The following KCNJ2 variants were observed in gnomAD, a reference collection of about 807,000 sequenced individuals.
The protein encoded by KCNJ2 is potassium inwardly rectifying channel subfamily J member 2.
A neutral mutation model predicts 28.4 loss-of-function variants in KCNJ2; 12 were observed. The observed-to-expected ratio is 0.42, with a 90% CI of 0.27 to 0.68. The LOEUF (loss-of-function observed/expected upper bound fraction) is 0.68. Among genes scored for constraint, KCNJ2 ranks in the 30% least tolerant of loss-of-function variants. The pLI is 0.23. For synonymous variants in KCNJ2, 200 were observed against 203.2 expected (o/e 0.98, Z 0.13); for missense variants, 320 against 551.3 (o/e 0.58, Z 4.20).
intron 1 of KCNJ2, among the ~76,000 whole-genome samples, chr17:70,172,044 G>A (rs1174523066): frequency 6.6e-6 from 1 of 151,860 alleles, no homozygotes; most frequent in African/African-American, 2.4e-5. Context: ...AGCTGCTCAC[G>A]AATTGGTAAT....
At position 70,179,190 on chromosome 17, in the gene KCNJ2, A is replaced by C; in HGVS notation, c.*2867A>C. 1 of 159,230 alleles carries C rather than the reference A, an allele frequency of 6.3e-6. No homozygotes were observed. The allele number at this position is 159,230 out of a possible 1,614,324, so 9.9% of individuals were successfully genotyped here. A position where few individuals can be genotyped will look rare whatever the true frequency, so the allele number is the denominator to read the frequency against. On this transcript the variant is annotated 3_prime_UTR_variant, in exon 2 of 2. Coordinates refer to ENST00000243457, the MANE Select transcript of KCNJ2 (RefSeq NM_000891.3). ...CTTATTGACTGGGTCTCCTTAATTA[A>C]TGTACACATGTCATTAGAATGCAGA...
At position 70,178,140 on chromosome 17, in the gene KCNJ2, A is replaced by C. The variant is rs2074406564; in HGVS notation, c.*1817A>C. ...CTCTCTTATGGTATTATATCTCTGTATGCCATTAAAAAACAGCTTGTTCTA... is the reference window on the plus strand; with the variant it reads ...CTCTCTTATGGTATTATATCTCTGTCTGCCATTAAAAAACAGCTTGTTCTA... On this transcript the variant is annotated 3_prime_UTR_variant, in exon 2 of 2. Transcript: ENST00000243457. The C allele has an allele frequency of 1.2e-5, 2 of 164,088 alleles. No individual in the cohort carries two copies. Among genetic ancestry groups the C allele is most frequent in the Non-Finnish European group, 3.0e-5 (2 of 67,756 alleles). The allele number at this position is 164,088 out of a possible 1,614,324, so 10.2% of individuals were successfully genotyped here. A position where few individuals can be genotyped will look rare whatever the true frequency, so the allele number is the denominator to read the frequency against.
chr17:70,172,983 T>A lies in KCNJ2; in HGVS notation c.-216-1841T>A, dbSNP rs183636880. On this transcript the variant is annotated intron_variant, in intron 1 of 1. Transcript: ENST00000243457. ...CTTCACAGGGAAGCAGACAAAACAT[T>A]GAAGCAGGTGGAAGGTTAGGAAAGC... Among the ~76,000 whole-genome samples, 46 of 152,286 alleles carry A rather than the reference T, an allele frequency of 3.0e-4. 1 individual carries two copies. Among genetic ancestry groups the A allele is most frequent in the African/African-American group, 1.0e-3 (42 of 41,562 alleles).
At position 70,175,741 on chromosome 17, in the gene KCNJ2, C is replaced by T; in HGVS notation, c.702C>T (p.Ser234=). The change falls in exon 2 of 2, where the codon TCC becomes TCT. Residue 234 remains serine (S), a synonymous_variant. Coordinates refer to ENST00000243457, the MANE Select transcript of KCNJ2 (RefSeq NM_000891.3). This position sits in a 1 kb window ranked among gnomAD's most constrained non-coding sequence, Gnocchi z 8.3. ...EAHVRAQLLK[S]RITSEGEYIP... ...ATGTTCGAGCACAGCTCCTCAAATC[C>T]AGAATTACTTCTGAAGGGGAGTATA... 6.2e-7 allele frequency: 1 copy of T among 1,614,218 alleles called. No individual in the cohort carries two copies. Among genetic ancestry groups the T allele is most frequent in the Non-Finnish European group, 8.5e-7 (1 of 1,180,032 alleles).
rs199473373 is a variant in KCNJ2, at chr17:70,175,283, C to T, written c.244C>T (p.Arg82Trp). Reference sequence around the variant, plus strand: ...CACCACGTGTGTGGACATTCGCTGGCGGTGGATGCTGGTTATCTTCTGCCT... The same window carrying T: ...CACCACGTGTGTGGACATTCGCTGGTGGTGGATGCTGGTTATCTTCTGCCT... ...IFTTCVDIRWRWMLVIFCLAF... is the reference protein window; with the variant it reads ...IFTTCVDIRWWWMLVIFCLAF... Residue 82 changes from arginine (R) to tryptophan (W), a missense_variant, in exon 2 of 2, where the codon CGG becomes TGG. By Grantham distance (101) the Arg-to-Trp change is moderately radical. This residue lies in a region of KCNJ2 where 111 missense variants were observed against 256.7 expected (regional missense o/e 0.43). Coordinates refer to ENST00000243457, the MANE Select transcript of KCNJ2 (RefSeq NM_000891.3). This position sits in a 1 kb window ranked among gnomAD's most constrained non-coding sequence, Gnocchi z 8.3. 3 of 1,614,182 alleles carry T rather than the reference C, an allele frequency of 1.9e-6. No individual in the cohort carries two copies. Among genetic ancestry groups the T allele is most frequent in the Admixed American group, 1.7e-5 (1 of 60,020 alleles).
rs35656864 is a variant in KCNJ2 at position 70,179,064 on chromosome 17, ATTTTTTTTTTTTTT to A, written c.*2762_*2775del. On this transcript the variant is annotated 3_prime_UTR_variant, in exon 2 of 2. Transcript: ENST00000243457. ...TAACAGTTACAAGCTTTAAATGGCAATTTTTTTTTTTTTTTTTTTTTTTTTTTTTTTTTTGTCAA... is the reference window on the plus strand; with the variant it reads ...TAACAGTTACAAGCTTTAAATGGCAATTTTTTTTTTTTTTTTTTTTGTCAA... 63 of 67,284 alleles carry A rather than the reference ATTTTTTTTTTTTTT, an allele frequency of 9.4e-4. No homozygotes were observed. The South Asian group carries it at 0.01, about 11-fold the overall frequency. The allele number at this position is 67,284 out of a possible 1,614,324, so 4.2% of individuals were successfully genotyped here. A position where few individuals can be genotyped will look rare whatever the true frequency, so the allele number is the denominator to read the frequency against.
rs1443012108 is a variant in KCNJ2, at chr17:70,176,198, G to A, written c.1159G>A (p.Glu387Lys). The A allele has an allele frequency of 2.5e-6, 4 of 1,613,952 alleles. No individual in the cohort carries two copies. In the African/African-American group the frequency reaches 4.0e-5, roughly 16 times the overall value. ...TGAAGTTGCCCTCACAAGCAAAGAG[G>A]AAGACGACAGTGAAAATGGAGTTCC... is the stretch of plus-strand genomic sequence containing the variant. ...ENEVALTSKE[E>K]DDSENGVPES... Residue 387 changes from glutamate (E) to lysine (K), a missense_variant, in exon 2 of 2, where the codon GAA becomes AAA. By Grantham distance (56) the Glu-to-Lys change is moderately conservative (BLOSUM62 1). Around this residue, in one of 3 missense-constraint regions of KCNJ2, gnomAD observed 155 missense variants for 231.6 expected, o/e 0.67. Transcript: ENST00000243457.
At chr17:70,171,267 C>T (rs979310135) in intron 1 of KCNJ2, among the ~76,000 whole-genome samples, 4 of 143,358 alleles carry the variant, frequency 2.8e-5, no homozygotes, top group Non-Finnish European at 6.1e-5. Context: ...CTCCCCACTT[C>T]CCCCTCCTCC....
At position 70,174,804 on chromosome 17, in the gene KCNJ2, C is replaced by G. The variant is rs1221421312; in HGVS notation, c.-216-20C>G. The G allele has an allele frequency of 1.7e-6, 1 of 584,702 alleles. No individual in the cohort carries two copies. Among genetic ancestry groups the G allele is most frequent in the African/African-American group, 1.9e-5 (1 of 53,564 alleles). The allele number at this position is 584,702 out of a possible 1,614,324, so 36.2% of individuals were successfully genotyped here. A position where few individuals can be genotyped will look rare whatever the true frequency, so the allele number is the denominator to read the frequency against. On this transcript the variant is annotated intron_variant, in intron 1 of 1. Coordinates refer to ENST00000243457, the MANE Select transcript of KCNJ2 (RefSeq NM_000891.3). ...TAAGAGTGGCTTATTTTGTAATGCA[C>G]AGTCTCTCTTTTCTTGCAGGACATG...
intron 1 of KCNJ2, among the ~76,000 whole-genome samples, chr17:70,170,274 C>T (rs1334415627): frequency 1.3e-5 from 2 of 151,804 alleles, no homozygotes; most frequent in African/African-American, 4.8e-5. Context: ...TGGATTTGAG[C>T]CTGAGGATCG....
At chr17:70,169,898 G>A (rs2074355580) in intron 1 of KCNJ2, among the ~76,000 whole-genome samples, 197 bp downstream of exon 1, 1 of 152,124 alleles carries the variant, frequency 6.6e-6, no homozygotes, top group Non-Finnish European at 1.5e-5. Flanking sequence ...AACATCCCCA[G>A]AGCTAAAAAT....
At position 70,177,392 on chromosome 17, in the gene KCNJ2, C is replaced by T. The variant is rs45603434; in HGVS notation, c.*1069C>T. On this transcript the variant is annotated 3_prime_UTR_variant, in exon 2 of 2. Coordinates refer to ENST00000243457, the MANE Select transcript of KCNJ2 (RefSeq NM_000891.3). ...ACTCTTATATTTTTCTGGGCTTTTC[C>T]TTTTGCACATTCCAAAATTCATTTC... is the stretch of plus-strand genomic sequence containing the variant. The T allele has an allele frequency of 0.094, 15,671 of 167,194 alleles. 961 individuals carry two copies. Among genetic ancestry groups the T allele is most frequent in the Non-Finnish European group, 0.15 (10,247 of 68,130 alleles). 10.4% of individuals were successfully genotyped at this position (167,194 alleles called of 1,614,324 possible).
Position 70,175,709 on chromosome 17 carries a change from G to T in KCNJ2, c.670G>T (p.Glu224Ter). ...CAATCTTCGGAAAAGCCACTTGGTG[G>T]AAGCTCATGTTCGAGCACAGCTCCT... ...VGNLRKSHLV[E>*]AHVRAQLLKS... Residue 224 changes from glutamate to a stop codon, truncating the protein, a stop_gained, in exon 2 of 2, where the codon GAA (glutamate) becomes TAA (stop). Transcript: ENST00000243457. LOFTEE classifies it high-confidence loss of function. The surrounding 1 kb of genome is among the most constrained non-coding windows in gnomAD (Gnocchi z 8.3). The T allele has an allele frequency of 6.2e-7, 1 of 1,614,242 alleles. No homozygotes were observed. Among genetic ancestry groups the T allele is most frequent in the South Asian group, 1.1e-5 (1 of 91,088 alleles).
Position 70,176,533 on chromosome 17 carries a change from A to T in KCNJ2, c.*210A>T, listed in dbSNP as rs146282466. The T allele has an allele frequency of 5.0e-4, 309 of 621,058 alleles. 1 individual carries two copies. Among genetic ancestry groups the T allele is most frequent in the African/African-American group, 4.3e-3 (230 of 54,062 alleles). 38.5% of individuals were successfully genotyped at this position (621,058 alleles called of 1,614,324 possible). ...ATGTCTCCATGTGACCCGATGGCAC[A>T]TAGATGTTGTAGAATAAGTTATGGG... On this transcript the variant is annotated 3_prime_UTR_variant, in exon 2 of 2. Coordinates refer to ENST00000243457, the MANE Select transcript of KCNJ2 (RefSeq NM_000891.3).
Position 70,175,682 on chromosome 17 carries a change from G to A in KCNJ2, c.643G>A (p.Gly215Ser). Reference protein sequence around the residue: ...DGKLCLMWRVGNLRKSHLVEA... With the variant: ...DGKLCLMWRVSNLRKSHLVEA... ...CAAGCTGTGTTTGATGTGGCGAGTG[G>A]GCAATCTTCGGAAAAGCCACTTGGT... Residue 215 changes from glycine (G) to serine (S), a missense_variant, in exon 2 of 2, where the codon GGC (glycine) becomes AGC (serine). Coordinates refer to ENST00000243457, the MANE Select transcript of KCNJ2 (RefSeq NM_000891.3). The surrounding 1 kb of genome is among the most constrained non-coding windows in gnomAD (Gnocchi z 8.3). 1 of 1,614,196 alleles carries A rather than the reference G, an allele frequency of 6.2e-7. No individual in the cohort carries two copies. The highest frequency in any genetic ancestry group is 8.5e-7 in the Non-Finnish European group (1 of 1,180,042).
chr17:70,172,797 C>CT (rs1328611098), intron 1 of KCNJ2, among the ~76,000 whole-genome samples: 1 of 152,104 alleles, frequency 6.6e-6, no homozygotes, highest in East Asian at 1.9e-4. Flanking sequence ...AGTTCTTCTC[C>CT]TTTTTTTGAA....
chr17:70,170,411 T>C, intron 1 of KCNJ2, among the ~76,000 whole-genome samples: 1 of 152,148 alleles, frequency 6.6e-6, no homozygotes. Flanking sequence ...GACTTGATTC[T>C]GCAAAAAGAT....
Position 70,176,778 on chromosome 17 carries a change from G to C in KCNJ2, c.*455G>C, listed in dbSNP as rs1404809886. ...AGTTTTCCTTTTGTGTAATTTTAAAGTCAGTGTTGAATTTTATTGAAAGCT... is the reference window on the plus strand; with the variant it reads ...AGTTTTCCTTTTGTGTAATTTTAAACTCAGTGTTGAATTTTATTGAAAGCT... On this transcript the variant is annotated 3_prime_UTR_variant, in exon 2 of 2. Coordinates refer to ENST00000243457, the MANE Select transcript of KCNJ2 (RefSeq NM_000891.3). The C allele has an allele frequency of 1.0e-5, 2 of 192,152 alleles. No individual in the cohort carries two copies. The highest frequency in any genetic ancestry group is 4.8e-5 in the African/African-American group (2 of 41,830). The allele number at this position is 192,152 out of a possible 1,614,324, so 11.9% of individuals were successfully genotyped here.
At position 70,174,902 on chromosome 17, in the gene KCNJ2, C is replaced by T. The variant is rs2074383032; in HGVS notation, c.-138C>T. Reference sequence around the variant, plus strand: ...GACAGACCTTGGTAGAACCACAAGGCTCCCAGAGACACCCATCTCTCCTCA... The same window carrying T: ...GACAGACCTTGGTAGAACCACAAGGTTCCCAGAGACACCCATCTCTCCTCA... On this transcript the variant is annotated 5_prime_UTR_variant, in exon 2 of 2. Coordinates refer to ENST00000243457, the MANE Select transcript of KCNJ2 (RefSeq NM_000891.3). The T allele has an allele frequency of 2.4e-6, 2 of 818,384 alleles. No homozygotes were observed. Among genetic ancestry groups the T allele is most frequent in the Admixed American group, 2.0e-5 (1 of 50,050 alleles). The allele number at this position is 818,384 out of a possible 1,614,324, so 50.7% of individuals were successfully genotyped here.
Sources: allele counts gnomAD v4.1 joint callset (sites outside exome capture counted in the v4.1 genomes callset), GRCh38; gene constraint gnomAD v4.1.1; regional missense constraint gnomAD v4.1.1; non-coding constraint Gnocchi (gnomAD v3.1); transcripts MANE v1.5; gene names NCBI Gene and HGNC (gene_info 2026-07-23, HGNC 2026-07-21).